Variants in RIBC1 observed in about 807,000 individuals in gnomAD.
The protein encoded by RIBC1 is RIB43A-like with coiled-coils protein 1.
RIBC1 carries 12 observed loss-of-function variants against 33.7 expected under a neutral mutation model. The observed-to-expected ratio is 0.36, with a 90% confidence interval of 0.23 to 0.58. RIBC1 has a LOEUF of 0.58. RIBC1 is among the 20% of genes least tolerant of loss of function. RIBC1 has a pLI of 0.81. For synonymous variants in RIBC1, 89 were observed against 109.0 expected, an observed-to-expected ratio of 0.82 and a Z score of 1.14; for missense variants, 242 against 311.6, an observed-to-expected ratio of 0.78 and a Z score of 1.68.
At position 53,426,261 on chromosome X, in the gene RIBC1, C is replaced by G. The variant is rs782166703; in HGVS notation, c.1-16C>G. ...GGTCGGCACTGATGGGCCATTCCAC[C>G]TCCCTTTTGCTCCAGATGTATAACA... On this transcript the variant is annotated splice_polypyrimidine_tract_variant and intron_variant, in intron 2 of 7. Coordinates refer to ENST00000375327, the MANE Select transcript of RIBC1 (RefSeq NM_001031745.5). The G allele has an allele frequency of 3.5e-6, 4 of 1,128,777 alleles. No homozygotes were observed. The South Asian group carries it at 5.5e-5, about 15-fold the overall frequency. The allele number at this position is 1,128,777 out of a possible 1,213,427, so 93.0% of individuals were successfully genotyped here.
Position 53,429,886 on chromosome X carries a change from G to A in RIBC1, c.577G>A (p.Asp193Asn). Residue 193 changes from aspartate to asparagine, a missense_variant, in exon 6 of 8, where the codon GAT (aspartate) becomes AAT (asparagine). Asp to Asn is a conservative substitution (Grantham distance 23). Transcript: ENST00000375327. Reference sequence around the variant, plus strand: ...CAGTAACCAGCTGCGCCTCGCCATGGATGCACAGGCCACCCATCTGGCCAG... The same window carrying A: ...CAGTAACCAGCTGCGCCTCGCCATGAATGCACAGGCCACCCATCTGGCCAG... Reference protein sequence around the residue: ...ALSNQLRLAMDAQATHLARLE... With the variant: ...ALSNQLRLAMNAQATHLARLE... 8.3e-7 allele frequency: 1 copy of A among 1,211,462 alleles called. No individual in the cohort carries two copies. Among genetic ancestry groups the A allele is most frequent in the African/African-American group, 1.7e-5 (1 of 57,949 alleles).
At chrX:53,423,497 C>T (rs1358370545) in intron 2 of RIBC1, 95 bp downstream of exon 2, 1 of 112,187 alleles carries the variant, frequency 8.9e-6, no homozygotes, top group Non-Finnish European at 1.9e-5. Context: ...CATCCCATTC[C>T]CACAGCTCTA....
rs1000061224 is a variant in RIBC1 at position 53,428,777 on chromosome X, A to T, written c.544+150A>T. 2.0e-5 allele frequency: 22 copies of T among 1,096,447 alleles called. No homozygotes were observed. In the African/African-American group the frequency reaches 3.9e-4, roughly 20 times the overall value. 90.4% of individuals were successfully genotyped at this position (1,096,447 alleles called of 1,213,427 possible). Reference sequence around the variant, plus strand: ...GAAATGTTAGGTTGTGCAGACCCCAACCTCCCTGACTTCCTTCAGTAACTG... The same window carrying T: ...GAAATGTTAGGTTGTGCAGACCCCATCCTCCCTGACTTCCTTCAGTAACTG... On this transcript the variant is annotated intron_variant, in intron 5 of 7. Transcript: ENST00000375327.
At chrX:53,429,794 A>G in intron 5 of RIBC1, 60 bp from the exon 6 acceptor site, 1 of 1,164,702 alleles carries the variant, frequency 8.6e-7, no homozygotes, top group Non-Finnish European at 1.2e-6. Flanking sequence ...AAATGGCTGG[A>G]TGAGTGAAAC....
chrX:53,427,710 T>C (rs2075799717), intron 3 of RIBC1, among the ~76,000 whole-genome samples: 1 of 111,684 alleles, frequency 9.0e-6, no homozygotes, highest in Admixed American at 9.5e-5. Context: ...GTGTTCCAAG[T>C]GGAGGGAGCA....
Position 53,430,569 on chromosome X carries a change from A to G in RIBC1, c.837A>G (p.Pro279=), listed in dbSNP as rs2075818735. 2.5e-6 allele frequency: 3 copies of G among 1,205,417 alleles called. No individual in the cohort carries two copies. Among genetic ancestry groups the G allele is most frequent in the Non-Finnish European group, 2.2e-6 (2 of 892,677 alleles). ...CCTATTGCTGGAAGGGCATGACTCC[A>G]GAGCAGCAAGCTGCCATCAGGAAAG... The part of the protein sequence containing the change: ...VLPYCWKGMT[P]EQQAAIRKEQ... Residue 279 remains proline (P), a synonymous_variant, in exon 7 of 8, where the codon CCA becomes CCG. Transcript: ENST00000375327.
intron 5 of RIBC1, chrX:53,429,152 T>C (rs1263165859): frequency 8.4e-6 from 1 of 118,801 alleles, no homozygotes; most frequent in Non-Finnish European, 1.8e-5. Flanking sequence ...TGAAAGTATT[T>C]GTTTAATATC....
In RIBC1 at chrX:53,431,063, C is replaced by G; in HGVS notation, c.*75C>G. ...TGGTTAGGAGTCAAAGAGAAAAATG[C>G]TGCATACTCCCACCTTCTAACCTAG... On this transcript the variant is annotated 3_prime_UTR_variant, in exon 8 of 8. Transcript: ENST00000375327. 8.4e-7 allele frequency: 1 copy of G among 1,192,615 alleles called. No individual in the cohort carries two copies. Among genetic ancestry groups the G allele is most frequent in the Non-Finnish European group, 1.1e-6 (1 of 881,580 alleles).
chrX:53,426,328 G>T lies in RIBC1; in HGVS notation c.52G>T (p.Ala18Ser). Reference protein sequence around the residue: ...TDTKEAAAIEARRNREKERQN... With the variant: ...TDTKEAAAIESRRNREKERQN... ...TACCAAGGAAGCAGCAGCCATCGAG[G>T]CTAGAAGAAATCGAGAAAAAGAGCG... Residue 18 changes from alanine (A) to serine (S), a missense_variant, in exon 3 of 8, where the codon GCT (alanine) becomes TCT (serine). Physicochemically the swap from Ala to Ser is moderately conservative, Grantham distance 99. Transcript: ENST00000375327. 8.3e-7 allele frequency: 1 copy of T among 1,209,918 alleles called. No homozygotes were observed. Among genetic ancestry groups the T allele is most frequent in the African/African-American group, 1.7e-5 (1 of 57,780 alleles).
intron 2 of RIBC1, among the ~76,000 whole-genome samples, chrX:53,423,624 A>G (rs974158044): frequency 1.8e-5 from 2 of 112,486 alleles, no homozygotes; most frequent in Non-Finnish European, 3.8e-5. Context: ...CAGTGACCTT[A>G]TACTGTAATG....
chrX:53,430,724 T>C lies in RIBC1; in HGVS notation c.992T>C (p.Leu331Ser). Residue 331 changes from leucine to serine, a missense_variant, in exon 7 of 8, where the codon TTG (leucine) becomes TCG (serine). Coordinates refer to ENST00000375327, the MANE Select transcript of RIBC1 (RefSeq NM_001031745.5). ...VLELEEQERELCAVFQRGLGS... is the reference protein window; with the variant it reads ...VLELEEQERESCAVFQRGLGS... ...GAGCTAGAAGAGCAGGAGAGGGAAT[T>C]GTGTGCTGTATTTCAAAGGGGTCTA... 7 of 1,203,858 alleles carry C rather than the reference T, an allele frequency of 5.8e-6. No individual in the cohort carries two copies. Among genetic ancestry groups the C allele is most frequent in the Non-Finnish European group, 7.9e-6 (7 of 891,135 alleles).
chrX:53,430,958 T>C lies in RIBC1; in HGVS notation c.1110T>C (p.Tyr370=). 1 of 1,210,922 alleles carries C rather than the reference T, an allele frequency of 8.3e-7. No homozygotes were observed. The highest frequency in any genetic ancestry group is 1.8e-5 in the South Asian group (1 of 56,978). ...VIYTNQPTAQ[Y]HQQFNTSSR The stretch of plus-strand genomic sequence containing the variant: ...ACACCAATCAACCTACAGCCCAGTA[T>C]CACCAGCAGTTTAACACCAGCAGCC... Residue 370 remains tyrosine (Y), a synonymous_variant, in exon 8 of 8, where the codon TAT becomes TAC. Coordinates refer to ENST00000375327, the MANE Select transcript of RIBC1 (RefSeq NM_001031745.5).
chrX:53,428,768 C>T, intron 5 of RIBC1, 141 bp downstream of exon 5: 1 of 1,106,317 alleles, frequency 9.0e-7, no homozygotes, highest in Admixed American at 3.5e-5. Flanking sequence ...TTAGGTTGTG[C>T]AGACCCCAAC....
intron 2 of RIBC1, among the ~76,000 whole-genome samples, chrX:53,425,239 A>G (rs2075784796): frequency 9.0e-6 from 1 of 111,204 alleles, no homozygotes; most frequent in African/African-American, 3.3e-5. Flanking sequence ...CACTGTAAGC[A>G]AGGGAGACAG....
intron 6 of RIBC1, among the ~76,000 whole-genome samples, 153 bp downstream of exon 6, chrX:53,430,125 G>A (rs1209292473): frequency 1.8e-5 from 2 of 112,008 alleles, no homozygotes; most frequent in Non-Finnish European, 3.8e-5. Flanking sequence ...GCCCCTCTTA[G>A]GGTACAAGTC....
chrX:53,428,426 G>A lies in RIBC1; in HGVS notation c.343G>A (p.Asp115Asn). 8.3e-6 allele frequency: 10 copies of A among 1,210,834 alleles called. No individual in the cohort carries two copies. Among genetic ancestry groups the A allele is most frequent in the Non-Finnish European group, 1.1e-5 (10 of 894,831 alleles). The change falls in exon 5 of 8, where the codon GAT becomes AAT. Residue 115 changes from aspartate to asparagine, a missense_variant. Asp to Asn is a conservative substitution (Grantham distance 23, BLOSUM62 1). Transcript: ENST00000375327. ...LKNGREFSLWDPGQVWKGLPT... is the reference protein window; with the variant it reads ...LKNGREFSLWNPGQVWKGLPT... ...GAACGGGCGTGAATTTAGTCTTTGG[G>A]ATCCAGGCCAAGTCTGGAAGGGGCT... is the stretch of plus-strand genomic sequence containing the variant.
In RIBC1 at chrX:53,431,012, C is replaced by T. The variant is rs941865058; in HGVS notation, c.*24C>T. On this transcript the variant is annotated 3_prime_UTR_variant, in exon 8 of 8. Coordinates refer to ENST00000375327, the MANE Select transcript of RIBC1 (RefSeq NM_001031745.5). ...AAGTTCAGGATGTCTATCTCTCTCT[C>T]CCTTCTCCTCCATCAAGCTCACAGG... is the stretch of plus-strand genomic sequence containing the variant. 1.2e-5 allele frequency: 14 copies of T among 1,209,777 alleles called. No individual in the cohort carries two copies. The highest frequency in any genetic ancestry group is 2.2e-5 in the Admixed American group (1 of 45,718).
In RIBC1 at chrX:53,428,592, A is replaced by G. The variant is rs1602423838; in HGVS notation, c.509A>G (p.Glu170Gly). ...TACAACTTGGAAAGGCAACAGCAGGAGCAACAGCAAGCCAAGGTTGATGAG... is the reference window on the plus strand; with the variant it reads ...TACAACTTGGAAAGGCAACAGCAGGGGCAACAGCAAGCCAAGGTTGATGAG... Reference protein sequence around the residue: ...FRYNLERQQQEQQQAKVDENY... With the variant: ...FRYNLERQQQGQQQAKVDENY... The change falls in exon 5 of 8, where the codon GAG (glutamate) becomes GGG (glycine). Residue 170 changes from glutamate to glycine, a missense_variant. Physicochemically the swap from Glu to Gly is moderately conservative, Grantham distance 98. Transcript: ENST00000375327. The G allele has an allele frequency of 8.3e-7, 1 of 1,210,507 alleles. No homozygotes were observed. The highest frequency in any genetic ancestry group is 1.1e-6 in the Non-Finnish European group (1 of 895,002).
intron 2 of RIBC1, among the ~76,000 whole-genome samples, chrX:53,424,344 C>T (rs928638994): frequency 1.2e-4 from 13 of 110,381 alleles, no homozygotes; most frequent in Non-Finnish European, 1.7e-4. Flanking sequence ...GAGGCTGGGG[C>T]AGGAAGATCC....
Sources: allele counts gnomAD v4.1 joint callset (sites outside exome capture counted in the v4.1 genomes callset), GRCh38; gene constraint gnomAD v4.1.1; transcripts MANE v1.5; gene names NCBI Gene and HGNC (gene_info 2026-07-23, HGNC 2026-07-21).